RIMS1: variants seen among roughly 807,000 people sequenced by gnomAD.
RIMS1 encodes regulating synaptic membrane exocytosis 1, also known as regulating synaptic membrane exocytosis protein 1.
In RIMS1, 83 loss-of-function variants were observed where a neutral mutation model predicts 214.1. The observed-to-expected ratio is 0.39, with a 90% CI of 0.32 to 0.47. RIMS1 has a LOEUF of 0.47. Among genes scored for constraint, RIMS1 ranks in the 20% least tolerant of loss-of-function variants. The probability of loss-of-function intolerance (pLI) is 0.99; values close to 1 mark genes in which losing one functional copy is unlikely to be tolerated. For synonymous variants in RIMS1, 793 were observed against 786.8 expected (o/e 1.01, Z -0.13); for missense variants, 2,050 against 2,161.8 (o/e 0.95, Z 1.03).
At chr6:72,364,633 C>T (rs1222232745) in intron 29 of RIMS1, among the ~76,000 whole-genome samples, 1 of 152,044 alleles carries the variant, frequency 6.6e-6, no homozygotes, top group Non-Finnish European at 1.5e-5. Flanking sequence ...AAAAACAGAC[C>T]CTGAAACAAA....
intron 6 of RIMS1, among the ~76,000 whole-genome samples, chr6:72,218,296 A>G (rs930461769): frequency 1.3e-5 from 2 of 152,152 alleles, no homozygotes; most frequent in Admixed American, 6.5e-5. Context: ...AAAGTCGGCC[A>G]GGGACAAGGG....
chr6:72,396,040 G>A (rs1013834982), intron 31 of RIMS1, among the ~76,000 whole-genome samples: 3 of 151,466 alleles, frequency 2.0e-5, no homozygotes, highest in African/African-American at 7.3e-5. Context: ...AGCAAATTCA[G>A]CAATGCTAAA....
At chr6:72,167,722 C>T (rs562468965) in intron 4 of RIMS1, among the ~76,000 whole-genome samples, 19 of 152,106 alleles carry the variant, frequency 1.2e-4, no homozygotes, top group African/African-American at 4.3e-4. Flanking sequence ...TATTGACATA[C>T]AGTTGTTCAT....
intron 6 of RIMS1, among the ~76,000 whole-genome samples, chr6:72,190,030 C>T (rs2049801145): frequency 6.6e-6 from 1 of 152,188 alleles, no homozygotes; most frequent in Non-Finnish European, 1.5e-5. Context: ...AAACCATTGG[C>T]CATAGCCTGT....
chr6:72,110,105 C>A (rs1220139012), intron 4 of RIMS1, among the ~76,000 whole-genome samples: 1 of 152,100 alleles, frequency 6.6e-6, no homozygotes, highest in Non-Finnish European at 1.5e-5. Context: ...GTTACTGTAG[C>A]CTTGTAGTAT....
intron 4 of RIMS1, among the ~76,000 whole-genome samples, chr6:72,133,456 C>A (rs1389513956): frequency 6.6e-6 from 1 of 152,154 alleles, no homozygotes; most frequent in Non-Finnish European, 1.5e-5. Flanking sequence ...CACAAGAATT[C>A]AAAAACTTGC....
intron 2 of RIMS1, among the ~76,000 whole-genome samples, chr6:72,028,917 A>G (rs1817303448): frequency 6.6e-6 from 1 of 152,194 alleles, no homozygotes. Context: ...AGCTTTACTT[A>G]TAGTCAGAAA....
intron 4 of RIMS1, among the ~76,000 whole-genome samples, chr6:72,120,833 G>A (rs1249467999): frequency 2.6e-5 from 4 of 151,858 alleles, no homozygotes; most frequent in African/African-American, 4.8e-5. Flanking sequence ...TTTTTATAAG[G>A]TTTAAGGAAG....
chr6:72,193,771 C>T (rs61200032), intron 6 of RIMS1, among the ~76,000 whole-genome samples: 29,649 of 151,988 alleles, frequency 0.2, 3,451 homozygotes, highest in Non-Finnish European at 0.25. Context: ...TAACATTCTT[C>T]ATATCTTTAT....
intron 1 of RIMS1, among the ~76,000 whole-genome samples, chr6:71,894,780 G>A (rs1771131238): frequency 6.6e-6 from 1 of 152,166 alleles, no homozygotes; most frequent in South Asian, 2.1e-4. Flanking sequence ...TTCCTCTGAT[G>A]TTTAGATAGT....
chr6:71,970,355 A>G (rs1487205210), intron 2 of RIMS1, among the ~76,000 whole-genome samples: 1 of 152,152 alleles, frequency 6.6e-6, no homozygotes, highest in East Asian at 1.9e-4. Context: ...TTACATCCCC[A>G]GTTTTCATCT....
At chr6:71,990,531 C>G (rs982147600) in intron 2 of RIMS1, among the ~76,000 whole-genome samples, 4 of 152,000 alleles carry the variant, frequency 2.6e-5, no homozygotes, top group African/African-American at 9.7e-5. Flanking sequence ...CACTATCAAA[C>G]TTGAAATAAA....
intron 2 of RIMS1, among the ~76,000 whole-genome samples, chr6:72,070,815 C>T (rs1387287137): frequency 6.6e-6 from 1 of 152,136 alleles, no homozygotes; most frequent in Non-Finnish European, 1.5e-5. Flanking sequence ...GACAAAGGCC[C>T]TCACATTCAC....
chr6:72,060,473 T>A (rs1242650781), intron 2 of RIMS1, among the ~76,000 whole-genome samples: 1 of 152,220 alleles, frequency 6.6e-6, no homozygotes. Context: ...GGCCTTCCTG[T>A]TCTGGCCTCT....
chr6:72,011,891 A>T (rs1320672877), intron 2 of RIMS1, among the ~76,000 whole-genome samples: 2 of 152,208 alleles, frequency 1.3e-5, no homozygotes, highest in Admixed American at 1.3e-4. Context: ...GGGACGGTAA[A>T]CTAGCTCAAC....
rs186766867 is a variant in RIMS1 at position 72,152,215 on chromosome 6, T to C, written c.472-27360T>C. The stretch of plus-strand genomic sequence containing the variant: ...CATTTTTAAGTGCCATATTTCATTT[T>C]CTTAACCAACATTTTTATAGCACTT... On this transcript the variant is annotated intron_variant, in intron 4 of 33. Coordinates refer to ENST00000521978, the MANE Select transcript of RIMS1 (RefSeq NM_014989.7). Among the ~76,000 whole-genome samples the C allele has an allele frequency of 5.2e-3, 798 of 152,334 alleles. 3 individuals are homozygous for C. Among genetic ancestry groups the C allele is most frequent in the African/African-American group, 0.018 (739 of 41,568 alleles).
chr6:71,968,317 T>C (rs1384290419), intron 1 of RIMS1, among the ~76,000 whole-genome samples: 3 of 152,254 alleles, frequency 2.0e-5, no homozygotes, highest in Non-Finnish European at 4.4e-5. Flanking sequence ...TGTTATATTG[T>C]CTACCATCTG....
chr6:72,293,635 T>G (rs2093714274), intron 26 of RIMS1, among the ~76,000 whole-genome samples: 1 of 151,852 alleles, frequency 6.6e-6, no homozygotes, highest in African/African-American at 2.4e-5. Flanking sequence ...AAACATTTTA[T>G]GGGTTCAAAA....
chr6:72,364,845 T>C (rs1309173113), intron 29 of RIMS1, among the ~76,000 whole-genome samples: 3 of 152,212 alleles, frequency 2.0e-5, no homozygotes, highest in African/African-American at 7.2e-5. Context: ...CCAACATCTC[T>C]CATTTGTCCT....
Sources: gnomAD v4.1 joint callset for allele counts (sites outside exome capture counted in the v4.1 genomes callset) on GRCh38, gnomAD v4.1.1 for gene constraint, MANE v1.5 for transcripts, NCBI Gene and HGNC (gene_info 2026-07-23, HGNC 2026-07-21) for gene names.